PCTP: variants seen among roughly 807,000 people sequenced by gnomAD.
PCTP encodes START domain-containing protein 2.
Under a neutral mutation model 31.0 loss-of-function variants are expected in PCTP, and 27 were observed. The ratio of observed to expected loss-of-function variants is 0.87; its 90% CI spans 0.64 to 1.20. The LOEUF is 1.20. Ranked by LOEUF, PCTP falls within the 50% of genes most tolerant of loss-of-function variation. The pLI, the probability that PCTP is intolerant of heterozygous loss-of-function variation, is 0.00. For missense variants in PCTP, 287 were observed against 268.2 expected (o/e 1.07, Z -0.49); for synonymous variants, 108 against 101.2 (o/e 1.07, Z -0.40).
rs1284312662 is a variant in PCTP at position 55,776,200 on chromosome 17, G to A, written c.*100G>A. 2.6e-6 allele frequency: 4 copies of A among 1,534,860 alleles called. No individual in the cohort carries two copies. The highest frequency in any genetic ancestry group is 1.4e-5 in the African/African-American group (1 of 72,448). On this transcript the variant is annotated 3_prime_UTR_variant, in exon 6 of 6. Transcript: ENST00000268896. ...CCACCTGGAAGTGCCACCTGGAAGTGTCTCTGGAAGAGCACCCACCACTGT... is the reference window on the plus strand; with the variant it reads ...CCACCTGGAAGTGCCACCTGGAAGTATCTCTGGAAGAGCACCCACCACTGT...
intron 1 of PCTP, 45 bp from the exon 2 acceptor site, chr17:55,767,290 C>G (rs1199364047): frequency 8.1e-7 from 1 of 1,239,548 alleles, no homozygotes; most frequent in Non-Finnish European, 1.2e-6. Context: ...AGCTTTCTCT[C>G]AACTTGGGAA....
At chr17:55,810,878 A>T (rs1912730300) in intron 3 of PCTP, among the ~76,000 whole-genome samples, 1 of 152,230 alleles carries the variant, frequency 6.6e-6, no homozygotes, top group Non-Finnish European at 1.5e-5. Flanking sequence ...GAATAAAAGC[A>T]AGAATTGCTG....
downstream of PCTP, among the ~76,000 whole-genome samples, chr17:55,823,871 C>T (rs556983984): frequency 2.9e-4 from 44 of 152,308 alleles, no homozygotes; most frequent in African/African-American, 1.1e-3. Context: ...GGCACAGCTC[C>T]GCCTGAGCTA....
intron 3 of PCTP, among the ~76,000 whole-genome samples, chr17:55,811,440 G>A (rs1912747807): frequency 6.6e-6 from 1 of 152,134 alleles, no homozygotes; most frequent in Non-Finnish European, 1.5e-5. Flanking sequence ...CTGAGTCCTA[G>A]GCAGTGTAAG....
downstream of PCTP, among the ~76,000 whole-genome samples, chr17:55,825,998 A>G (rs1905382536): frequency 6.6e-6 from 1 of 152,220 alleles, no homozygotes; most frequent in Non-Finnish European, 1.5e-5. Flanking sequence ...CATCCCAGAA[A>G]TCGGCATCAT....
intron 5 of PCTP, among the ~76,000 whole-genome samples, chr17:55,837,108 G>A (rs1203689925): frequency 6.6e-6 from 1 of 152,160 alleles, no homozygotes; most frequent in Non-Finnish European, 1.5e-5. Flanking sequence ...AGAAATGAAA[G>A]GATGACAACA....
chr17:55,759,331 G>T (rs886067206), intron 1 of PCTP, among the ~76,000 whole-genome samples: 13 of 152,118 alleles, frequency 8.5e-5, no homozygotes, highest in African/African-American at 3.1e-4. Context: ...TATGAGTATT[G>T]TTTTACCTAG....
downstream of PCTP, among the ~76,000 whole-genome samples, chr17:55,824,839 C>T (rs1012809265): frequency 2.6e-5 from 4 of 152,146 alleles, no homozygotes; most frequent in East Asian, 1.9e-4. Flanking sequence ...ACCCAAAGCA[C>T]GGTATAGACT....
chr17:55,767,956 G>T (rs1427078190), intron 2 of PCTP, among the ~76,000 whole-genome samples: 2 of 151,694 alleles, frequency 1.3e-5, no homozygotes, highest in Non-Finnish European at 2.9e-5. Flanking sequence ...AGCTGGGCAT[G>T]GTGGCGCATG....
At chr17:55,844,680 C>T (rs747266122), downstream of PCTP, among the ~76,000 whole-genome samples, 1 of 152,098 alleles carries the variant, frequency 6.6e-6, no homozygotes, top group African/African-American at 2.4e-5. Flanking sequence ...CCTGCTCAGC[C>T]ATTTACTGAT....
At position 55,761,189 on chromosome 17, in the gene PCTP, C is replaced by T. The variant is rs566990627; in HGVS notation, c.142-6146C>T. Among the ~76,000 whole-genome samples, 4 of 152,260 alleles carry T rather than the reference C, an allele frequency of 2.6e-5. No homozygotes were observed. The East Asian group carries it at 7.7e-4, about 29-fold the overall frequency. ...AAAGGTAGAGATAACACCAACTTCCCTATCTACATCACAGGGCTATCTTAG... is the reference window on the plus strand; with the variant it reads ...AAAGGTAGAGATAACACCAACTTCCTTATCTACATCACAGGGCTATCTTAG... On this transcript the variant is annotated intron_variant, in intron 1 of 5. Transcript: ENST00000268896.
chr17:55,827,696 T>C (rs1441291357), downstream of PCTP, among the ~76,000 whole-genome samples: 1 of 152,118 alleles, frequency 6.6e-6, no homozygotes, highest in African/African-American at 2.4e-5. Flanking sequence ...GTTAGAGGGG[T>C]TAGAGCATCC....
chr17:55,768,420 G>A (rs575262568), intron 2 of PCTP, among the ~76,000 whole-genome samples: 21 of 152,310 alleles, frequency 1.4e-4, no homozygotes, highest in Non-Finnish European at 3.1e-4. Context: ...ATGTATGTGA[G>A]GAGGTAAGAG....
chr17:55,767,368 G>A lies in PCTP; in HGVS notation c.175G>A (p.Val59Ile), dbSNP rs763100121. Residue 59 changes from valine to isoleucine, a missense_variant, in exon 2 of 6, where the codon GTT (valine) becomes ATT (isoleucine). Physicochemically the swap from Val to Ile is conservative, Grantham distance 29 (BLOSUM62 3). Coordinates refer to ENST00000268896, the MANE Select transcript of PCTP (RefSeq NM_021213.4). Reference protein sequence around the residue: ...TGLYEYKVFGVLEDCSPTLLA... With the variant: ...TGLYEYKVFGILEDCSPTLLA... The stretch of plus-strand genomic sequence containing the variant: ...ACTTTATGAGTATAAAGTCTTTGGT[G>A]TTCTGGAGGACTGCTCACCAACTCT... The A allele has an allele frequency of 6.2e-7, 1 of 1,612,976 alleles. No homozygotes were observed. Among genetic ancestry groups the A allele is most frequent in the East Asian group, 2.2e-5 (1 of 44,854 alleles).
intron 3 of PCTP, among the ~76,000 whole-genome samples, chr17:55,811,015 A>C (rs1194310620): frequency 6.6e-6 from 1 of 152,188 alleles, no homozygotes; most frequent in African/African-American, 2.4e-5. Context: ...AGTTGTTCCA[A>C]GCTATTACCC....
intron 1 of PCTP, among the ~76,000 whole-genome samples, chr17:55,759,211 G>A (rs1042673028): frequency 6.6e-6 from 1 of 152,168 alleles, no homozygotes; most frequent in Non-Finnish European, 1.5e-5. Context: ...TGAAAAGTGG[G>A]TTTACTGATG....
chr17:55,830,176 A>T (rs944111258), intron 5 of PCTP, among the ~76,000 whole-genome samples: 1 of 152,136 alleles, frequency 6.6e-6, no homozygotes. Context: ...AGTCTGGGCT[A>T]AAAAACCTGG....
downstream of PCTP, among the ~76,000 whole-genome samples, chr17:55,781,264 G>A (rs1190973672): frequency 6.6e-6 from 1 of 152,120 alleles, no homozygotes; most frequent in African/African-American, 2.4e-5. Flanking sequence ...TCTGCCTCCC[G>A]TTCTCCTGCC....
chr17:55,779,435 C>T (rs1597992734), downstream of PCTP, among the ~76,000 whole-genome samples: 1 of 152,150 alleles, frequency 6.6e-6, no homozygotes, highest in African/African-American at 2.4e-5. Flanking sequence ...TTGCACAAAA[C>T]CTCTAAGGAG....
Sources: gnomAD v4.1 joint callset for allele counts (sites outside exome capture counted in the v4.1 genomes callset) on GRCh38, gnomAD v4.1.1 for gene constraint, MANE v1.5 for transcripts, NCBI Gene and HGNC (gene_info 2026-07-23, HGNC 2026-07-21) for gene names.